The following NPAS3 variants were observed in gnomAD, a reference collection of about 807,000 sequenced individuals.
The protein encoded by NPAS3 is neuronal PAS domain-containing protein 3.
Under a neutral mutation model 73.1 loss-of-function variants are expected in NPAS3, and 14 were observed. The observed-to-expected ratio is 0.19, with a 90% CI of 0.13 to 0.30. NPAS3 has a LOEUF of 0.30. Among genes scored for constraint, NPAS3 ranks in the 10% least tolerant of loss-of-function variants. NPAS3 has a pLI of 1.00. For synonymous variants in NPAS3, 620 were observed against 541.5 expected, an observed-to-expected ratio of 1.14 and a Z score of -2.01; for missense variants, 1,096 against 1,250.0, an observed-to-expected ratio of 0.88 and a Z score of 1.86.
intron 3 of NPAS3, among the ~76,000 whole-genome samples, chr14:33,299,170 C>T (rs545329143): frequency 1.3e-5 from 2 of 152,212 alleles, no homozygotes; most frequent in South Asian, 4.1e-4. Context: ...TAACTTTGGC[C>T]ACGTAGTGTT....
chr14:33,780,363 G>GA (rs1272619026), intron 9 of NPAS3, among the ~76,000 whole-genome samples: 1 of 152,020 alleles, frequency 6.6e-6, no homozygotes, highest in African/African-American at 2.4e-5. Context: ...AGAAAATGGA[G>GA]AAAAAAATCA....
intron 3 of NPAS3, among the ~76,000 whole-genome samples, chr14:33,297,269 G>C (rs900792354): frequency 6.6e-6 from 1 of 152,046 alleles, no homozygotes; most frequent in Admixed American, 6.6e-5. Context: ...TTACCTCTGG[G>C]TTGTTGTGAG....
chr14:33,038,885 T>A (rs2040258896), intron 1 of NPAS3, among the ~76,000 whole-genome samples: 1 of 152,202 alleles, frequency 6.6e-6, no homozygotes, highest in Non-Finnish European at 1.5e-5. Flanking sequence ...ACATTAGAGT[T>A]CATCAGTTAT....
At chr14:32,942,995 A>C (rs1391875146) in intron 1 of NPAS3, among the ~76,000 whole-genome samples, 1 of 152,204 alleles carries the variant, frequency 6.6e-6, no homozygotes, top group African/African-American at 2.4e-5. Flanking sequence ...CAGAGCCAGG[A>C]GTTATAATGA....
chr14:33,043,191 C>T (rs1411902509), intron 1 of NPAS3, among the ~76,000 whole-genome samples: 1 of 152,118 alleles, frequency 6.6e-6, no homozygotes, highest in African/African-American at 2.4e-5. Context: ...GATAAGAACA[C>T]ATTTCTAAAT....
chr14:33,219,517 T>C (rs2047344822), intron 3 of NPAS3, among the ~76,000 whole-genome samples: 1 of 152,164 alleles, frequency 6.6e-6, no homozygotes, highest in East Asian at 1.9e-4. Context: ...AGTTGAAAAA[T>C]ATGCAAGATA....
intron 2 of NPAS3, among the ~76,000 whole-genome samples, chr14:33,069,631 T>C (rs1361989617): frequency 6.6e-6 from 1 of 152,220 alleles, no homozygotes; most frequent in Admixed American, 6.5e-5. Flanking sequence ...TGATAGTATC[T>C]CATAGGATTT....
At chr14:33,308,885 G>GA (rs1415908595) in intron 3 of NPAS3, among the ~76,000 whole-genome samples, 1 of 152,028 alleles carries the variant, frequency 6.6e-6, no homozygotes, top group Non-Finnish European at 1.5e-5. Flanking sequence ...AGCATTCTAG[G>GA]AAAAAGTTTT....
chr14:33,130,394 G>A (rs1461847690), intron 2 of NPAS3, among the ~76,000 whole-genome samples: 2 of 152,172 alleles, frequency 1.3e-5, no homozygotes, highest in Non-Finnish European at 2.9e-5. Flanking sequence ...GAATGAAGGT[G>A]AAGAGGAATA....
At chr14:33,697,580 A>G (rs1050508619) in intron 6 of NPAS3, among the ~76,000 whole-genome samples, 7 of 152,194 alleles carry the variant, frequency 4.6e-5, no homozygotes, top group African/African-American at 1.4e-4. Flanking sequence ...CCATTCTCCA[A>G]AAATAACTAG....
intron 5 of NPAS3, among the ~76,000 whole-genome samples, chr14:33,668,450 T>A (rs1281933307): frequency 1.3e-5 from 2 of 152,160 alleles, no homozygotes; most frequent in Non-Finnish European, 2.9e-5. Context: ...ACTTTGTAGC[T>A]TTCATAACAC....
Position 33,161,873 on chromosome 14 carries a change from C to T in NPAS3, c.141-53309C>T, listed in dbSNP as rs186286181. Among the ~76,000 whole-genome samples, 22 of 152,168 alleles carry T rather than the reference C, an allele frequency of 1.4e-4. 1 individual carries two copies. In the East Asian group the frequency reaches 2.3e-3, roughly 16 times the overall value. Reference sequence around the variant, plus strand: ...GATAAGGAATGTTGCATACATAAGACGTGGGAAATAGGAATGGCTCATGTG... The same window carrying T: ...GATAAGGAATGTTGCATACATAAGATGTGGGAAATAGGAATGGCTCATGTG... On this transcript the variant is annotated intron_variant, in intron 2 of 11. Transcript: ENST00000356141.
intron 1 of NPAS3, among the ~76,000 whole-genome samples, chr14:32,946,536 A>C (rs1376135919): frequency 6.6e-6 from 1 of 152,188 alleles, no homozygotes; most frequent in Non-Finnish European, 1.5e-5. Context: ...TTCATTGCAG[A>C]ATATATGCAA....
At chr14:33,243,053 T>A (rs1470221677) in intron 3 of NPAS3, among the ~76,000 whole-genome samples, 1 of 152,170 alleles carries the variant, frequency 6.6e-6, no homozygotes. Flanking sequence ...TTTTCCTTAA[T>A]GTTTATCCAG....
intron 3 of NPAS3, among the ~76,000 whole-genome samples, chr14:33,295,077 A>G (rs78183906): frequency 0.012 from 1,831 of 152,344 alleles, 33 homozygotes; most frequent in African/African-American, 0.043. Context: ...AAGATTTACA[A>G]AAGAATTTCA....
intron 3 of NPAS3, among the ~76,000 whole-genome samples, chr14:33,346,060 G>A (rs539171013): frequency 5.3e-5 from 8 of 151,814 alleles, no homozygotes; most frequent in African/African-American, 1.7e-4. Flanking sequence ...GTGAAACCCC[G>A]TCTCTACTAA....
At chr14:33,424,831 G>A (rs2048491765) in intron 4 of NPAS3, among the ~76,000 whole-genome samples, 1 of 151,866 alleles carries the variant, frequency 6.6e-6, no homozygotes, top group Non-Finnish European at 1.5e-5. Context: ...TAGAGGCCTG[G>A]AGCCCACAGG....
intron 6 of NPAS3, among the ~76,000 whole-genome samples, chr14:33,686,274 C>A (rs750418265): frequency 1.3e-5 from 2 of 152,164 alleles, no homozygotes; most frequent in African/African-American, 2.4e-5. Flanking sequence ...CTCACTGAGG[C>A]AAAGGTGCGT....
intron 7 of NPAS3, among the ~76,000 whole-genome samples, chr14:33,741,831 G>T (rs1319636244): frequency 6.6e-6 from 1 of 152,140 alleles, no homozygotes; most frequent in Non-Finnish European, 1.5e-5. Flanking sequence ...AAGCAGGTAG[G>T]GGAGGTAACA....
Sources: gnomAD v4.1 joint callset for allele counts (sites outside exome capture counted in the v4.1 genomes callset) on GRCh38, gnomAD v4.1.1 for gene constraint, MANE v1.5 for transcripts, NCBI Gene and HGNC (gene_info 2026-07-23, HGNC 2026-07-21) for gene names.